Variants in MPPED2 observed in about 807,000 individuals in gnomAD.
MPPED2 encodes metallophosphoesterase domain containing 2, also known as metallophosphoesterase MPPED2.
MPPED2 carries 5 observed loss-of-function variants against 33.0 expected under a neutral mutation model. The ratio of observed to expected loss-of-function variants is 0.15; its 90% CI spans 0.08 to 0.32. The LOEUF is 0.32. Ranked by LOEUF, MPPED2 falls within the 10% of genes least tolerant of loss-of-function variation. The pLI is 1.00. For missense variants in MPPED2, 275 were observed against 372.1 expected (o/e 0.74, Z 2.15); for synonymous variants, 136 against 141.9 (o/e 0.96, Z 0.29).
At chr11:30,546,273 G>A (rs555342191) in intron 2 of MPPED2, among the ~76,000 whole-genome samples, 18 of 151,802 alleles carry the variant, frequency 1.2e-4, no homozygotes, top group Non-Finnish European at 2.2e-4. Context: ...AACACTGCCC[G>A]GCCTCAAACA....
chr11:30,433,707 C>G (rs901692982), intron 4 of MPPED2, among the ~76,000 whole-genome samples: 2 of 152,156 alleles, frequency 1.3e-5, no homozygotes. Flanking sequence ...GGGAAATTTT[C>G]AAAGGGATAA....
intron 6 of MPPED2, among the ~76,000 whole-genome samples, chr11:30,399,572 T>C (rs1303368661): frequency 6.6e-6 from 1 of 152,250 alleles, no homozygotes; most frequent in Admixed American, 6.5e-5. Context: ...TTCAGAATTA[T>C]TTTATCCTTT....
intron 3 of MPPED2, among the ~76,000 whole-genome samples, chr11:30,509,517 C>T (rs1019555423): frequency 2.0e-5 from 3 of 152,164 alleles, no homozygotes; most frequent in African/African-American, 7.2e-5. Flanking sequence ...CTAGGCCTCT[C>T]AGGAAAATCA....
chr11:30,532,180 T>G lies in MPPED2; in HGVS notation c.310+3814A>C, dbSNP rs139582489. Among the ~76,000 whole-genome samples, 441 of 152,354 alleles carry G rather than the reference T, an allele frequency of 2.9e-3. 2 individuals are homozygous for G. The highest frequency in any genetic ancestry group is 9.9e-3 in the African/African-American group (412 of 41,576). On this transcript the variant is annotated intron_variant, in intron 3 of 6. Coordinates refer to ENST00000358117, the MANE Select transcript of MPPED2 (RefSeq NM_001584.3). The stretch of plus-strand genomic sequence containing the variant: ...ATAGACAATACATGTTAATACATGT[T>G]AGTTCACCCACCCCATCCTGCCCCA...
chr11:30,506,519 C>T (rs868512985), intron 3 of MPPED2, among the ~76,000 whole-genome samples: 1 of 151,988 alleles, frequency 6.6e-6, no homozygotes, highest in Non-Finnish European at 1.5e-5. Context: ...TTTATTTTTC[C>T]CCCACAAAGC....
intron 2 of MPPED2, among the ~76,000 whole-genome samples, chr11:30,564,105 A>C (rs1956343258): frequency 6.6e-6 from 1 of 152,180 alleles, no homozygotes; most frequent in Non-Finnish European, 1.5e-5. Context: ...ACCTTTTCTC[A>C]AGATCTCATG....
rs1254722985 is a variant in MPPED2 at position 30,516,524 on chromosome 11, G to A, written c.310+19470C>T. On this transcript the variant is annotated intron_variant, in intron 3 of 6. Coordinates refer to ENST00000358117, the MANE Select transcript of MPPED2 (RefSeq NM_001584.3). ...CCAAGGCTGGTAGCAAGAAGCAGGA[G>A]GCACGGCTTAGGAAGCTGCCCATTT... Among the ~76,000 whole-genome samples the A allele has an allele frequency of 3.9e-5, 6 of 152,254 alleles. No individual in the cohort carries two copies. The East Asian group carries it at 9.7e-4, about 25-fold the overall frequency.
intron 6 of MPPED2, among the ~76,000 whole-genome samples, chr11:30,390,617 A>G (rs1200778671): frequency 6.6e-6 from 1 of 152,246 alleles, no homozygotes; most frequent in Non-Finnish European, 1.5e-5. Context: ...CTTCAAAGAA[A>G]GACTGTTTCG....
At chr11:30,541,888 G>A (rs574222518) in intron 2 of MPPED2, among the ~76,000 whole-genome samples, 1 of 152,254 alleles carries the variant, frequency 6.6e-6, no homozygotes, top group African/African-American at 2.4e-5. Context: ...CACGGTGCCT[G>A]GCCCACTGAC....
At chr11:30,470,371 T>A (rs1590407684) in intron 4 of MPPED2, among the ~76,000 whole-genome samples, 1 of 152,104 alleles carries the variant, frequency 6.6e-6, no homozygotes, top group Admixed American at 6.5e-5. Flanking sequence ...GTGTCCAGAA[T>A]ACTCAAACAT....
At chr11:30,416,445 T>C (rs1565045822) in intron 5 of MPPED2, among the ~76,000 whole-genome samples, 1 of 152,242 alleles carries the variant, frequency 6.6e-6, no homozygotes, top group African/African-American at 2.4e-5. Flanking sequence ...AATGTTATTT[T>C]TTTTTCTTTT....
rs1181299579 is a variant in MPPED2, at chr11:30,411,212, C to A, written c.*256G>T. 2.7e-6 allele frequency: 3 copies of A among 1,109,176 alleles called. No individual in the cohort carries two copies. In the East Asian group the frequency reaches 1.5e-4, roughly 55 times the overall value. 68.7% of individuals were successfully genotyped at this position (1,109,176 alleles called of 1,614,324 possible). On this transcript the variant is annotated 3_prime_UTR_variant, in exon 7 of 7. Coordinates refer to ENST00000358117, the MANE Select transcript of MPPED2 (RefSeq NM_001584.3). ...AAGCTTGGCTGTCCTTTGGCGAACA[C>A]TAACAATTTACAATGGCATGGCCTT...
intron 2 of MPPED2, among the ~76,000 whole-genome samples, chr11:30,573,668 C>T (rs1421157183): frequency 6.6e-6 from 1 of 152,124 alleles, no homozygotes; most frequent in African/African-American, 2.4e-5. Flanking sequence ...TATACACACA[C>T]ACACATTTTT....
intron 6 of MPPED2, among the ~76,000 whole-genome samples, chr11:30,395,932 T>C (rs927602632): frequency 1.3e-5 from 2 of 152,166 alleles, no homozygotes; most frequent in African/African-American, 4.8e-5. Flanking sequence ...CTCTACACTG[T>C]AACCGCAGAT....
At chr11:30,451,615 T>C (rs1440017985) in intron 4 of MPPED2, 16 of 821,324 alleles carry the variant, frequency 1.9e-5, no homozygotes, top group Non-Finnish European at 2.2e-5. Context: ...TCTCACTCCA[T>C]GGGAGACGTT....
At chr11:30,443,782 A>G (rs1565073378) in intron 4 of MPPED2, among the ~76,000 whole-genome samples, 1 of 152,230 alleles carries the variant, frequency 6.6e-6, no homozygotes, top group African/African-American at 2.4e-5. Flanking sequence ...ACTTGAAGAT[A>G]GTATGAATTA....
rs575303904 is a variant in MPPED2 at position 30,452,348 on chromosome 11, C to T, written c.537-34715G>A. Among the ~76,000 whole-genome samples, 58 of 152,320 alleles carry T rather than the reference C, an allele frequency of 3.8e-4. 1 individual carries two copies. Among genetic ancestry groups the T allele is most frequent in the South Asian group, 2.5e-3 (12 of 4,828 alleles). On this transcript the variant is annotated intron_variant, in intron 4 of 6. Transcript: ENST00000358117. The stretch of plus-strand genomic sequence containing the variant: ...CATCCTTCAAGATCTGGCTTAAACA[C>T]GATCGTGTCTGTGGGCCCTGCCCAG...
At chr11:30,585,835 G>A (rs1957441739) in intron 1 of MPPED2, among the ~76,000 whole-genome samples, 2 of 152,220 alleles carry the variant, frequency 1.3e-5, no homozygotes, top group African/African-American at 4.8e-5. Context: ...TGCCCGGGAG[G>A]CGCCCGCTCG....
chr11:30,406,557 G>A (rs1947992418), downstream of MPPED2, among the ~76,000 whole-genome samples: 2 of 152,162 alleles, frequency 1.3e-5, no homozygotes, highest in South Asian at 4.1e-4. Context: ...ACTTAGAAAA[G>A]GGAGGGAAAA....
Sources: allele counts gnomAD v4.1 joint callset (sites outside exome capture counted in the v4.1 genomes callset), GRCh38; gene constraint gnomAD v4.1.1; transcripts MANE v1.5; gene names NCBI Gene and HGNC (gene_info 2026-07-23, HGNC 2026-07-21).